The following PHACTR3 variants were observed in gnomAD, a reference collection of about 807,000 sequenced individuals.
PHACTR3 encodes phosphatase and actin regulator 3.
A neutral mutation model predicts 66.8 loss-of-function variants in PHACTR3; 16 were observed. The observed-to-expected ratio is 0.24, with a 90% confidence interval of 0.16 to 0.36. The LOEUF is 0.36. Among genes scored for constraint, PHACTR3 ranks in the 10% least tolerant of loss-of-function variants. The pLI is 1.00. For synonymous variants in PHACTR3, 323 were observed against 292.1 expected, an observed-to-expected ratio of 1.11 and a Z score of -1.08; for missense variants, 647 against 719.9, an observed-to-expected ratio of 0.90 and a Z score of 1.16.
chr20:59,666,540 TAGAG>T (rs35155368), intron 1 of PHACTR3, among the ~76,000 whole-genome samples: 4 of 147,600 alleles, frequency 2.7e-5, no homozygotes, highest in East Asian at 2.0e-4. Flanking sequence ...GAGACAGAGG[TAGAG>T]AGAGAGAGAC....
At chr20:59,831,495 CTG>C (rs1237051816) in intron 8 of PHACTR3, among the ~76,000 whole-genome samples, 3 of 152,332 alleles carry the variant, frequency 2.0e-5, no homozygotes, top group African/African-American at 7.2e-5. Flanking sequence ...CAGAAATAGA[CTG>C]TGGCTTCCCC....
At chr20:59,594,757 T>C (rs1349405724) in intron 1 of PHACTR3, among the ~76,000 whole-genome samples, 5 of 152,210 alleles carry the variant, frequency 3.3e-5, no homozygotes, top group Non-Finnish European at 7.3e-5. Context: ...TTCATTGATT[T>C]TCTTTATTGA....
At chr20:59,828,373 G>A (rs765413242) in intron 8 of PHACTR3, among the ~76,000 whole-genome samples, 3 of 152,188 alleles carry the variant, frequency 2.0e-5, no homozygotes, top group African/African-American at 4.8e-5. Flanking sequence ...TTTCTGTAGC[G>A]GCAGCATTGG....
At chr20:59,754,117 A>G (rs1373974102) in intron 3 of PHACTR3, among the ~76,000 whole-genome samples, 1 of 152,248 alleles carries the variant, frequency 6.6e-6, no homozygotes, top group Admixed American at 6.5e-5. Context: ...TGTAACGTGC[A>G]TCTCAGTGAC....
At chr20:59,696,099 T>C (rs918515752) in intron 1 of PHACTR3, among the ~76,000 whole-genome samples, 1 of 152,238 alleles carries the variant, frequency 6.6e-6, no homozygotes, top group Admixed American at 6.5e-5. Context: ...TAACATCCAC[T>C]GTAAGCTTTT....
chr20:59,781,043 A>C (rs2040707005), intron 7 of PHACTR3, among the ~76,000 whole-genome samples: 1 of 152,218 alleles, frequency 6.6e-6, no homozygotes, highest in African/African-American at 2.4e-5. Flanking sequence ...CACAGGCATG[A>C]AGCAAAGTTT....
chr20:59,702,705 A>G lies in PHACTR3; in HGVS notation c.119-40402A>G, dbSNP rs116154465. On this transcript the variant is annotated intron_variant, in intron 1 of 12. Coordinates refer to ENST00000371015, the MANE Select transcript of PHACTR3 (RefSeq NM_080672.5). ...GGGCCTCACAGAATATTTGCTGGAT[A>G]AGTAAGTGATGGATTGATTAGTCTG... Among the ~76,000 whole-genome samples, 692 of 152,316 alleles carry G rather than the reference A, an allele frequency of 4.5e-3. 4 individuals carry two copies. The highest frequency in any genetic ancestry group is 0.015 in the African/African-American group (632 of 41,578).
chr20:59,647,949 T>C (rs1054004478), intron 1 of PHACTR3, among the ~76,000 whole-genome samples: 3 of 152,238 alleles, frequency 2.0e-5, no homozygotes, highest in Admixed American at 6.5e-5. Flanking sequence ...ATCTAGACTG[T>C]TGGTGTAGGA....
At chr20:59,599,295 A>G (rs1234398795) in intron 1 of PHACTR3, among the ~76,000 whole-genome samples, 1 of 152,188 alleles carries the variant, frequency 6.6e-6, no homozygotes, top group Non-Finnish European at 1.5e-5. Flanking sequence ...GTGAACAAAC[A>G]CAACAAAAAT....
chr20:59,760,314 G>A (rs889901777), intron 4 of PHACTR3, among the ~76,000 whole-genome samples: 2 of 152,176 alleles, frequency 1.3e-5, no homozygotes, highest in African/African-American at 4.8e-5. Context: ...TGTGTTTGGG[G>A]CGACTTTGCT....
Position 59,686,871 on chromosome 20 carries a change from T to TTGTGATGATGGTGTTGATGATGATGGTG in PHACTR3, c.119-56236_119-56235insTGTGATGATGGTGTTGATGATGATGGTG, listed in dbSNP as rs879936176. Among the ~76,000 whole-genome samples the TTGTGATGATGGTGTTGATGATGATGGTG allele has an allele frequency of 7.5e-3, 509 of 67,992 alleles. 1 individual carries two copies. The highest frequency in any genetic ancestry group is 0.012 in the Non-Finnish European group (388 of 31,174). 44.6% of individuals were successfully genotyped at this position (67,992 alleles called of 152,430 possible). ...TGATGGTGATGATGATGGTGGTGAT[T>TTGTGATGATGGTGTTGATGATGATGGTG]GTGATGATGGTGGTGATTGTGATGA... On this transcript the variant is annotated intron_variant, in intron 1 of 12. Transcript: ENST00000371015.
intron 1 of PHACTR3, among the ~76,000 whole-genome samples, chr20:59,703,075 G>A (rs1285042844): frequency 6.6e-6 from 1 of 152,262 alleles, no homozygotes; most frequent in East Asian, 1.9e-4. Flanking sequence ...TGTTTATGTT[G>A]ATTCTGCCAT....
intron 1 of PHACTR3, among the ~76,000 whole-genome samples, chr20:59,704,709 C>T (rs2037636375): frequency 6.6e-6 from 1 of 151,194 alleles, no homozygotes; most frequent in Non-Finnish European, 1.5e-5. Context: ...GTTTTGATAA[C>T]TACAGCTTTA....
intron 1 of PHACTR3, among the ~76,000 whole-genome samples, chr20:59,621,626 CTGGCTGGCAG>C (rs1303981011): frequency 6.6e-6 from 1 of 152,268 alleles, no homozygotes; most frequent in Non-Finnish European, 1.5e-5. Context: ...CAGGCAGGCA[CTGGCTGGCAG>C]TGGCAGTCTA....
At chr20:59,722,064 A>C (rs1460072029) in intron 1 of PHACTR3, among the ~76,000 whole-genome samples, 2 of 152,046 alleles carry the variant, frequency 1.3e-5, no homozygotes, top group Non-Finnish European at 2.9e-5. Flanking sequence ...CCCCATATCT[A>C]CTAAAAAATA....
intron 9 of PHACTR3, among the ~76,000 whole-genome samples, chr20:59,836,825 G>A (rs768950336): frequency 8.5e-5 from 13 of 152,168 alleles, no homozygotes; most frequent in Non-Finnish European, 1.5e-4. Flanking sequence ...GTCTAAGTGC[G>A]TTAGGTTTCA....
chr20:59,588,389 C>T (rs957526116), intron 1 of PHACTR3, among the ~76,000 whole-genome samples: 1 of 152,138 alleles, frequency 6.6e-6, no homozygotes, highest in Admixed American at 6.5e-5. Flanking sequence ...TCTCCCTGTC[C>T]GATGCAGCAG....
intron 1 of PHACTR3, among the ~76,000 whole-genome samples, chr20:59,715,325 T>C (rs1298938999): frequency 6.6e-6 from 1 of 152,258 alleles, no homozygotes; most frequent in African/African-American, 2.4e-5. Context: ...TGGCAGTTTC[T>C]AATCATAAGT....
At chr20:59,628,899 G>T in intron 1 of PHACTR3, 1 of 796,888 alleles carries the variant, frequency 1.3e-6, no homozygotes, top group Non-Finnish European at 1.5e-6. Flanking sequence ...ACTCACGTGG[G>T]GGTTGCAGAG....
Sources: gnomAD v4.1 joint callset for allele counts (sites outside exome capture counted in the v4.1 genomes callset) on GRCh38, gnomAD v4.1.1 for gene constraint, MANE v1.5 for transcripts, NCBI Gene and HGNC (gene_info 2026-07-23, HGNC 2026-07-21) for gene names.